The following CCDC63 variants were observed in gnomAD, a reference collection of about 807,000 sequenced individuals.
CCDC63 encodes coiled-coil domain-containing protein 63.
In CCDC63, 54 loss-of-function variants were observed where a neutral mutation model predicts 63.6. The observed-to-expected ratio is 0.85, with a 90% CI of 0.68 to 1.07. The LOEUF (loss-of-function observed/expected upper bound fraction) is 1.07. CCDC63 is among the 50% of genes least tolerant of loss of function. The pLI is 0.00. For missense variants in CCDC63, 637 were observed against 689.6 expected (o/e 0.92, Z 0.86); for synonymous variants, 253 against 266.1 (o/e 0.95, Z 0.48).
intron 11 of CCDC63, among the ~76,000 whole-genome samples, chr12:110,905,890 A>AATATTATAATTATATATAATAT (rs2071555788): frequency 8.7e-5 from 1 of 11,434 alleles, no homozygotes; most frequent in African/African-American, 2.7e-4. Flanking sequence ...GTATATATAT[A>AATATTATAATTATATATAATAT]ATATTATATA....
At chr12:110,856,527 A>C (rs1325221268) in intron 3 of CCDC63, among the ~76,000 whole-genome samples, 1 of 152,170 alleles carries the variant, frequency 6.6e-6, no homozygotes, top group Non-Finnish European at 1.5e-5. Context: ...AGAAGACAGG[A>C]GGTCACTGGC....
At chr12:110,883,815 T>C (rs1003944214) in intron 7 of CCDC63, among the ~76,000 whole-genome samples, 1 of 152,104 alleles carries the variant, frequency 6.6e-6, no homozygotes, top group African/African-American at 2.4e-5. Context: ...AATTTTTGCA[T>C]TTTTAGTAGA....
upstream of CCDC63, among the ~76,000 whole-genome samples, chr12:110,845,202 G>T (rs1444582041): frequency 6.6e-6 from 1 of 152,188 alleles, no homozygotes; most frequent in East Asian, 1.9e-4. Context: ...TTTTTAACAA[G>T]TCCTGAACCT....
chr12:110,899,706 TA>T (rs1219544988), intron 10 of CCDC63, among the ~76,000 whole-genome samples: 7 of 149,722 alleles, frequency 4.7e-5, no homozygotes, highest in African/African-American at 1.7e-4. Context: ...TTTTTTTTTT[TA>T]AATTGGTGTG....
chr12:110,866,309 C>CTT (rs67350855), intron 4 of CCDC63, among the ~76,000 whole-genome samples: 38 of 137,052 alleles, frequency 2.8e-4, no homozygotes, highest in African/African-American at 9.4e-4. Context: ...TTAAGCCACT[C>CTT]TTTTTTTTTT....
chr12:110,868,514 G>C lies in CCDC63; in HGVS notation c.370-5328G>C, dbSNP rs7974182. ...GGAGGCCGAGGTTGGCGGATCACTC[G>C]CGGTTAGGGGCTGGAGACCGGCCCG... is the stretch of plus-strand genomic sequence containing the variant. On this transcript the variant is annotated intron_variant, in intron 4 of 11. Transcript: ENST00000308208. Among the ~76,000 whole-genome samples, 573 of 149,674 alleles carry C rather than the reference G, an allele frequency of 3.8e-3. 5 individuals carry two copies. The highest frequency in any genetic ancestry group is 0.013 in the African/African-American group (526 of 40,628).
rs2071535884 is a variant in CCDC63, at chr12:110,904,716, C to T, written c.1471C>T (p.Leu491Phe). Reference sequence around the variant, plus strand: ...CCCTTTCTGGGGTGGCTCTGCCCTCCTCAAGCCCCCAGAACCCATCAAAGT... The same window carrying T: ...CCCTTTCTGGGGTGGCTCTGCCCTCTTCAAGCCCCCAGAACCCATCAAAGT... ...INPFWGGSAL[L>F]KPPEPIKVIP... Residue 491 changes from leucine to phenylalanine, a missense_variant, in exon 11 of 12, where the codon CTC (leucine) becomes TTC (phenylalanine). Transcript: ENST00000308208. 6.2e-7 allele frequency: 1 copy of T among 1,614,012 alleles called. No individual in the cohort carries two copies. Among genetic ancestry groups the T allele is most frequent in the Non-Finnish European group, 8.5e-7 (1 of 1,180,008 alleles).
chr12:110,845,654 T>G (rs1257299850), upstream of CCDC63: 1 of 152,194 alleles, frequency 6.6e-6, no homozygotes. Flanking sequence ...TGTAATATAC[T>G]GTCCCACTGA....
intron 4 of CCDC63, among the ~76,000 whole-genome samples, chr12:110,873,133 C>T (rs1327243313): frequency 6.6e-6 from 1 of 152,116 alleles, no homozygotes; most frequent in Middle Eastern, 3.4e-3. Context: ...TTACTCGAGA[C>T]GCTAAGGTAG....
chr12:110,866,848 G>A (rs1480045743), intron 4 of CCDC63, among the ~76,000 whole-genome samples: 13 of 149,676 alleles, frequency 8.7e-5, no homozygotes, highest in African/African-American at 2.7e-4. Context: ...CCTCCCAGAC[G>A]GGGTGGTGGC....
At chr12:110,853,776 C>T (rs2070736393) in intron 3 of CCDC63, among the ~76,000 whole-genome samples, 1 of 152,116 alleles carries the variant, frequency 6.6e-6, no homozygotes, top group Non-Finnish European at 1.5e-5. Context: ...GGGGGAATTT[C>T]TTGTCAGAAT....
rs557352073 is a variant in CCDC63 at position 110,865,566 on chromosome 12, C to T, written c.369+6791C>T. Among the ~76,000 whole-genome samples, 192 of 151,618 alleles carry T rather than the reference C, an allele frequency of 1.3e-3. 2 individuals are homozygous for T. Among genetic ancestry groups the T allele is most frequent in the African/African-American group, 4.1e-3 (171 of 41,348 alleles). On this transcript the variant is annotated intron_variant, in intron 4 of 11. Coordinates refer to ENST00000308208, the MANE Select transcript of CCDC63 (RefSeq NM_152591.3). ...AAATAAGAGTTCTGGCTTTAGAAAC[C>T]GAAAGATCTGGGATATCAGGCATGA...
chr12:110,856,455 T>TC (rs1171863151), intron 3 of CCDC63, among the ~76,000 whole-genome samples: 1 of 151,966 alleles, frequency 6.6e-6, no homozygotes, highest in East Asian at 1.9e-4. Flanking sequence ...CGCCCCAGCT[T>TC]CCCCCGCCCG....
At chr12:110,896,505 G>A (rs756414272) in intron 9 of CCDC63, among the ~76,000 whole-genome samples, 36 of 152,136 alleles carry the variant, frequency 2.4e-4, no homozygotes, top group Non-Finnish European at 5.0e-4. Context: ...GAATAGGGCC[G>A]ACCCCTTGAG....
At chr12:110,896,670 C>T (rs960026419) in intron 9 of CCDC63, among the ~76,000 whole-genome samples, 1 of 152,170 alleles carries the variant, frequency 6.6e-6, no homozygotes, top group South Asian at 2.1e-4. Flanking sequence ...TCCAGCTGCA[C>T]GTCACAATCA....
Position 110,884,225 on chromosome 12 carries a change from T to C in CCDC63, c.1049T>C (p.Met350Thr), listed in dbSNP as rs1271019710. 4 of 1,613,990 alleles carry C rather than the reference T, an allele frequency of 2.5e-6. No homozygotes were observed. Among genetic ancestry groups the C allele is most frequent in the East Asian group, 2.2e-5 (1 of 44,886 alleles). ...VTELNNDMEM[M>T]HKRTQRIQDE... is the part of the protein sequence containing the mutation. ...GAGCTCAACAACGACATGGAGATGA[T>C]GCACAAGAGGACCCAACGAATCCAG... The change falls in exon 8 of 12, where the codon ATG becomes ACG. Residue 350 changes from methionine to threonine, a missense_variant. Coordinates refer to ENST00000308208, the MANE Select transcript of CCDC63 (RefSeq NM_152591.3).
intron 11 of CCDC63, among the ~76,000 whole-genome samples, chr12:110,905,978 AT>A (rs2071566610): frequency 1.7e-5 from 1 of 57,956 alleles, no homozygotes; most frequent in African/African-American, 8.0e-5. Flanking sequence ...TATATAAAAT[AT>A]ATATTATATT....
chr12:110,887,885 G>A (rs1211020824), intron 8 of CCDC63, among the ~76,000 whole-genome samples: 2 of 152,066 alleles, frequency 1.3e-5, no homozygotes, highest in Non-Finnish European at 2.9e-5. Flanking sequence ...GTGAGCCACC[G>A]CGCCCGGCCC....
intron 11 of CCDC63, 86 bp downstream of exon 11, chr12:110,904,877 G>A (rs1254902808): frequency 1.8e-6 from 2 of 1,113,388 alleles, no homozygotes; most frequent in Non-Finnish European, 2.6e-6. Context: ...GTGCCCGAGA[G>A]GGTCTGCAGT....
Sources: allele counts gnomAD v4.1 joint callset (sites outside exome capture counted in the v4.1 genomes callset), GRCh38; gene constraint gnomAD v4.1.1; transcripts MANE v1.5; gene names NCBI Gene and HGNC (gene_info 2026-07-23, HGNC 2026-07-21).